The following STK33 variants were observed in gnomAD, a reference collection of about 807,000 sequenced individuals.
The protein encoded by STK33 is serine/threonine-protein kinase 33.
STK33 carries 52 observed loss-of-function variants against 58.0 expected under a neutral mutation model. That is an observed-to-expected ratio of 0.90 (90% CI 0.72 to 1.13). STK33 has a LOEUF of 1.13. STK33 is among the 50% of genes most tolerant of loss of function. The probability of loss-of-function intolerance (pLI) is 0.00; values close to 1 mark genes in which losing one functional copy is unlikely to be tolerated. For missense variants in STK33, 630 were observed against 604.2 expected (o/e 1.04, Z -0.45); for synonymous variants, 215 against 200.1 (o/e 1.07, Z -0.63).
At position 8,452,871 on chromosome 11, in the gene STK33, A is replaced by G. The variant is rs1329283941; in HGVS notation, c.822T>C (p.Ser274=). The change falls in exon 11 of 16, where the codon AGT becomes AGC. Residue 274 remains serine (S), a synonymous_variant. Transcript: ENST00000687296. ...TDFGLAVKKQ[S]RSEAMLQATC... is the part of the protein sequence containing the mutation. ...TGGCCTGCAGCATGGCTTCACTCCTACTTTGCTTCTTCACCGCTAAGCCAA... is the reference window on the plus strand; with the variant it reads ...TGGCCTGCAGCATGGCTTCACTCCTGCTTTGCTTCTTCACCGCTAAGCCAA... 6.8e-6 allele frequency: 11 copies of G among 1,614,026 alleles called. No homozygotes were observed. Among genetic ancestry groups the G allele is most frequent in the African/African-American group, 1.3e-5 (1 of 74,926 alleles).
At chr11:8,512,742 C>T (rs908744513) in intron 1 of STK33, among the ~76,000 whole-genome samples, 1 of 152,158 alleles carries the variant, frequency 6.6e-6, no homozygotes, top group African/African-American at 2.4e-5. Context: ...CTTGCACAAG[C>T]TTGTTCCCCA....
intron 1 of STK33, among the ~76,000 whole-genome samples, chr11:8,556,900 C>T (rs1426193475): frequency 6.6e-6 from 1 of 152,078 alleles, no homozygotes; most frequent in Non-Finnish European, 1.5e-5. Flanking sequence ...AGTAATGCCC[C>T]TCTTTGCTAG....
chr11:8,490,755 C>T (rs1950550529), intron 1 of STK33, among the ~76,000 whole-genome samples: 1 of 152,162 alleles, frequency 6.6e-6, no homozygotes, highest in Admixed American at 6.5e-5. Flanking sequence ...GTTCTGCAAT[C>T]TTTGTTGTTC....
intron 11 of STK33, among the ~76,000 whole-genome samples, chr11:8,444,056 G>A (rs1167679343): frequency 6.6e-6 from 1 of 151,716 alleles, no homozygotes; most frequent in Non-Finnish European, 1.5e-5. Flanking sequence ...GAACAAAGAA[G>A]GAATTCAGAA....
chr11:8,548,311 C>A (rs1406654682), intron 1 of STK33, among the ~76,000 whole-genome samples: 1 of 152,076 alleles, frequency 6.6e-6, no homozygotes, highest in Admixed American at 6.6e-5. Flanking sequence ...GATCTAGTTT[C>A]ATTCTTCTGC....
At chr11:8,353,724 G>A in the STK33 span, among the ~76,000 whole-genome samples, 48 of 152,256 alleles carry the variant, frequency 3.2e-4, 1 homozygote, top group East Asian at 7.7e-3. Flanking sequence ...GGGGAGTGTG[G>A]GGTGCCTTTT....
At chr11:8,407,868 G>A (rs886572586) in intron 15 of STK33, among the ~76,000 whole-genome samples, 1 of 152,172 alleles carries the variant, frequency 6.6e-6, no homozygotes, top group Non-Finnish European at 1.5e-5. Context: ...TAAAAGTGAA[G>A]AAGAACACGC....
intron 1 of STK33, among the ~76,000 whole-genome samples, chr11:8,503,995 A>G (rs1341601643): frequency 1.3e-5 from 2 of 152,244 alleles, no homozygotes; most frequent in Admixed American, 6.5e-5. Flanking sequence ...GGAATTACAT[A>G]GAAATTGTTT....
intron 1 of STK33, among the ~76,000 whole-genome samples, chr11:8,560,308 A>G (rs553888137): frequency 2.6e-5 from 4 of 152,290 alleles, no homozygotes; most frequent in Admixed American, 1.3e-4. Flanking sequence ...GATAAATGAA[A>G]AATAGCATCT....
chr11:8,446,311 T>A (rs955546846), intron 11 of STK33, among the ~76,000 whole-genome samples: 2 of 152,092 alleles, frequency 1.3e-5, no homozygotes, highest in Admixed American at 1.3e-4. Flanking sequence ...ATTTTGTTAA[T>A]CTTTTCAAAA....
Position 8,413,660 on chromosome 11 carries a change from A to G in STK33, c.1179T>C (p.Asn393=). The G allele has an allele frequency of 6.2e-7, 1 of 1,613,854 alleles. No homozygotes were observed. Among genetic ancestry groups the G allele is most frequent in the South Asian group, 1.1e-5 (1 of 91,062 alleles). ...GNKLSSVRPT[N]VLEMMKEWKN... ...TCCATTCCTTCATCATCTCTAATAC[A>G]TTGGTTGGTCTCACCGAAGAAAGTT... Residue 393 remains asparagine (N), a synonymous_variant, in exon 15 of 16, where the codon AAT becomes AAC. Coordinates refer to ENST00000687296, the MANE Select transcript of STK33 (RefSeq NM_001352389.2).
chr11:8,568,825 C>T (rs1319655946), intron 1 of STK33, among the ~76,000 whole-genome samples: 1 of 152,080 alleles, frequency 6.6e-6, no homozygotes, highest in East Asian at 1.9e-4. Flanking sequence ...GCTATATTAC[C>T]TTCTTATTTT....
At chr11:8,407,676 T>C (rs922040808) in intron 15 of STK33, among the ~76,000 whole-genome samples, 23 of 149,200 alleles carry the variant, frequency 1.5e-4, no homozygotes, top group African/African-American at 5.7e-4. Flanking sequence ...ATGTAAAGAA[T>C]AGAAAAAAAA....
chr11:8,448,086 G>C (rs917172497), intron 11 of STK33, among the ~76,000 whole-genome samples: 5 of 152,112 alleles, frequency 3.3e-5, no homozygotes, highest in African/African-American at 9.7e-5. Flanking sequence ...GGGATGTGAA[G>C]GAACTCTTCA....
chr11:8,452,886 CG>C lies in STK33; in HGVS notation c.806del (p.Ala269GlyfsTer2). 1.2e-6 allele frequency: 2 copies of C among 1,614,134 alleles called. No homozygotes were observed. Among genetic ancestry groups the C allele is most frequent in the Non-Finnish European group, 1.7e-6 (2 of 1,179,986 alleles). The part of the protein sequence containing the change: ...LNIKVTDFGL[A>X]VKKQSRSEAM... ...CTTCACTCCTACTTTGCTTCTTCACCGCTAAGCCAAAATCAGTCACCTGGGA... is the reference window on the plus strand; with the variant it reads ...CTTCACTCCTACTTTGCTTCTTCACCCTAAGCCAAAATCAGTCACCTGGGA... On this transcript the variant is annotated frameshift_variant, in exon 11 of 16. Transcript: ENST00000687296. LOFTEE classifies it high-confidence loss of function.
intron 6 of STK33, among the ~76,000 whole-genome samples, chr11:8,471,972 C>T (rs999711124): frequency 1.3e-5 from 2 of 152,144 alleles, no homozygotes; most frequent in African/African-American, 4.8e-5. Context: ...GTCGCCCAGG[C>T]TAGAATGCAG....
At chr11:8,423,831 C>T (rs1214325036) in intron 14 of STK33, among the ~76,000 whole-genome samples, 1 of 151,970 alleles carries the variant, frequency 6.6e-6, no homozygotes, top group East Asian at 1.9e-4. Flanking sequence ...TTGCCAATTT[C>T]TCCATGCAAT....
At chr11:8,367,653 C>A in the STK33 span, among the ~76,000 whole-genome samples, 41,672 of 152,142 alleles carry the variant, frequency 0.27, 6,196 homozygotes, top group East Asian at 0.41. Context: ...GTGTGCTACA[C>A]ACACTCACAT....
chr11:8,523,116 G>A (rs1238565016), intron 1 of STK33, among the ~76,000 whole-genome samples: 3 of 152,204 alleles, frequency 2.0e-5, no homozygotes, highest in Non-Finnish European at 4.4e-5. Flanking sequence ...CAGGCTGGAG[G>A]GCAGTGGCGT....
Sources: allele counts gnomAD v4.1 joint callset (sites outside exome capture counted in the v4.1 genomes callset), GRCh38; gene constraint gnomAD v4.1.1; transcripts MANE v1.5; gene names NCBI Gene and HGNC (gene_info 2026-07-23, HGNC 2026-07-21).